The following STK33 variants were observed in gnomAD, a reference collection of about 807,000 sequenced individuals.
The protein encoded by STK33 is serine/threonine kinase 33.
STK33 carries 52 observed loss-of-function variants against 58.0 expected under a neutral mutation model. The ratio of observed to expected loss-of-function variants is 0.90; its 90% CI spans 0.72 to 1.13. STK33 has a LOEUF of 1.13. Among genes scored for constraint, STK33 ranks in the 50% most tolerant of loss-of-function variants. The probability of loss-of-function intolerance (pLI) is 0.00; values close to 1 mark genes in which losing one functional copy is unlikely to be tolerated. For missense variants in STK33, 630 were observed against 604.2 expected, an observed-to-expected ratio of 1.04 and a Z score of -0.45; for synonymous variants, 215 against 200.1, an observed-to-expected ratio of 1.07 and a Z score of -0.63.
intron 1 of STK33, among the ~76,000 whole-genome samples, chr11:8,550,097 A>G (rs1956206060): frequency 6.6e-6 from 1 of 152,238 alleles, no homozygotes. Flanking sequence ...CTTCTGCAAA[A>G]GTTTTATATA....
intron 1 of STK33, among the ~76,000 whole-genome samples, chr11:8,491,485 G>T (rs1456739243): frequency 1.3e-5 from 2 of 152,208 alleles, no homozygotes; most frequent in African/African-American, 4.8e-5. Context: ...AACTGAAAGT[G>T]ACAGGGAGAA....
At chr11:8,440,814 A>T (rs1441792280) in intron 11 of STK33, 61 bp from the exon 12 acceptor site, 1 of 1,464,072 alleles carries the variant, frequency 6.8e-7, no homozygotes, top group African/African-American at 1.4e-5. Context: ...TTAAATGCTT[A>T]AACACAAGCA....
At chr11:8,430,212 A>G (rs539038939) in intron 14 of STK33, among the ~76,000 whole-genome samples, 1 of 152,344 alleles carries the variant, frequency 6.6e-6, no homozygotes, top group South Asian at 2.1e-4. Flanking sequence ...AAAAGGAACT[A>G]CAAATTATTC....
chr11:8,405,481 T>C (rs1938957815), intron 15 of STK33, among the ~76,000 whole-genome samples: 1 of 152,032 alleles, frequency 6.6e-6, no homozygotes, highest in Admixed American at 6.5e-5. Context: ...GCAAGTCTTC[T>C]GTCATATATA....
chr11:8,369,635 C>A, the STK33 span, among the ~76,000 whole-genome samples: 2 of 152,188 alleles, frequency 1.3e-5, no homozygotes, highest in Non-Finnish European at 2.9e-5. Flanking sequence ...GTGCAGCTGG[C>A]CTGAGTGGGG....
At chr11:8,347,107 G>C in the STK33 span, among the ~76,000 whole-genome samples, 1 of 152,306 alleles carries the variant, frequency 6.6e-6, no homozygotes, top group Non-Finnish European at 1.5e-5. Flanking sequence ...TGAATACTCA[G>C]TCTTTCAAAA....
chr11:8,523,449 G>A (rs567759745), intron 1 of STK33, among the ~76,000 whole-genome samples: 21 of 148,524 alleles, frequency 1.4e-4, no homozygotes, highest in Admixed American at 7.3e-4. Flanking sequence ...CGGCCGCCCC[G>A]TCTGAGAAGT....
At chr11:8,444,899 T>G (rs975921447) in intron 11 of STK33, among the ~76,000 whole-genome samples, 1 of 152,176 alleles carries the variant, frequency 6.6e-6, no homozygotes. Flanking sequence ...ACATAAACTT[T>G]AAAGTAGTTT....
the STK33 span, among the ~76,000 whole-genome samples, chr11:8,342,513 T>C: frequency 6.6e-6 from 1 of 152,270 alleles, no homozygotes; most frequent in Admixed American, 6.5e-5. Flanking sequence ...AGGTTGTTCA[T>C]TGACTTCTCA....
chr11:8,451,325 AAAAT>A (rs1174920060), intron 11 of STK33, among the ~76,000 whole-genome samples: 6 of 152,220 alleles, frequency 3.9e-5, no homozygotes, highest in Non-Finnish European at 8.8e-5. Context: ...TAAACTGGTA[AAAAT>A]CCACATGTGC....
At chr11:8,556,642 TTC>T (rs1219684758) in intron 1 of STK33, among the ~76,000 whole-genome samples, 1 of 152,222 alleles carries the variant, frequency 6.6e-6, no homozygotes, top group Non-Finnish European at 1.5e-5. Context: ...CCCCTTGTTT[TTC>T]TCTTTCAAAG....
chr11:8,540,219 G>A (rs1955396953), intron 1 of STK33, among the ~76,000 whole-genome samples: 1 of 152,038 alleles, frequency 6.6e-6, no homozygotes, highest in South Asian at 2.1e-4. Flanking sequence ...GGTAGCTCAT[G>A]CCTGGAATCT....
chr11:8,345,029 G>C, the STK33 span, among the ~76,000 whole-genome samples: 5 of 152,138 alleles, frequency 3.3e-5, no homozygotes, highest in African/African-American at 7.2e-5. Flanking sequence ...CAGCAGAAAG[G>C]CTGGTCCAGT....
rs766309071 is a variant in STK33 at position 8,413,612 on chromosome 11, C to T, written c.1227G>A (p.Glu409=). 2 of 1,613,854 alleles carry T rather than the reference C, an allele frequency of 1.2e-6. No homozygotes were observed. Among genetic ancestry groups the T allele is most frequent in the Non-Finnish European group, 1.7e-6 (2 of 1,179,936 alleles). Residue 409 remains glutamate, a synonymous_variant, in exon 15 of 16, where the codon GAG becomes GAA. Transcript: ENST00000687296. The part of the protein sequence containing the change: ...KEWKNNPESV[E]ENTTEEKNKP... ...TATTCTTCTCTTCTGTTGTGTTTTCCTCAACACTTTCTGGGTTATTTTTCC... is the reference window on the plus strand; with the variant it reads ...TATTCTTCTCTTCTGTTGTGTTTTCTTCAACACTTTCTGGGTTATTTTTCC...
chr11:8,435,909 G>A (rs1389399597), intron 13 of STK33, 118 bp downstream of exon 13: 2 of 553,312 alleles, frequency 3.6e-6, no homozygotes, highest in Admixed American at 3.8e-5. Context: ...AGTAAATAGT[G>A]TTCATTTCCA....
chr11:8,447,115 CAAGAA>C (rs1047604189), intron 11 of STK33, among the ~76,000 whole-genome samples: 53 of 151,836 alleles, frequency 3.5e-4, no homozygotes, highest in African/African-American at 1.3e-3. Context: ...CTTAAACTTA[CAAGAA>C]AAGAACAACC....
intron 1 of STK33, among the ~76,000 whole-genome samples, chr11:8,521,811 G>T (rs970047765): frequency 6.6e-6 from 1 of 152,072 alleles, no homozygotes; most frequent in African/African-American, 2.4e-5. Context: ...CAAAAAGTGG[G>T]TGAAGGACAT....
Position 8,572,105 on chromosome 11 carries a change from G to C in STK33, c.-466+21978C>G, listed in dbSNP as rs181472562. On this transcript the variant is annotated intron_variant, in intron 1 of 15. Coordinates refer to ENST00000687296, the MANE Select transcript of STK33 (RefSeq NM_001352389.2). ...AAAAAACTATCCAAGGCTCGTGTTG[G>C]GGGTGGGAGAGGAAGGAAAACAGCC... Among the ~76,000 whole-genome samples, 613 of 151,138 alleles carry C rather than the reference G, an allele frequency of 4.1e-3. 11 individuals carry two copies. Among genetic ancestry groups the C allele is most frequent in the Admixed American group, 0.032 (483 of 15,156 alleles).
chr11:8,439,476 G>C (rs1944446087), intron 12 of STK33, among the ~76,000 whole-genome samples: 1 of 151,878 alleles, frequency 6.6e-6, no homozygotes, highest in Non-Finnish European at 1.5e-5. Context: ...AAAATCTTTT[G>C]TGGAGCATGA....
Sources: gnomAD v4.1 joint callset for allele counts (sites outside exome capture counted in the v4.1 genomes callset) on GRCh38, gnomAD v4.1.1 for gene constraint, MANE v1.5 for transcripts, NCBI Gene and HGNC (gene_info 2026-07-23, HGNC 2026-07-21) for gene names.